The following LRP1B variants were observed in gnomAD, a reference collection of about 807,000 sequenced individuals.
LRP1B encodes low-density lipoprotein receptor-related protein 1B.
A neutral mutation model predicts 556.6 loss-of-function variants in LRP1B; 217 were observed. The observed-to-expected ratio is 0.39, with a 90% CI of 0.35 to 0.44. LRP1B has a LOEUF of 0.44. Among genes scored for constraint, LRP1B ranks in the 20% least tolerant of loss-of-function variants. The pLI is 1.00. For synonymous variants in LRP1B, 2,047 were observed against 1,865.8 expected, an observed-to-expected ratio of 1.10 and a Z score of -2.50; for missense variants, 5,053 against 5,620.8, an observed-to-expected ratio of 0.90 and a Z score of 3.23.
chr2:141,138,904 A>T (rs1185646357), intron 7 of LRP1B, among the ~76,000 whole-genome samples: 1 of 151,986 alleles, frequency 6.6e-6, no homozygotes, highest in African/African-American at 2.4e-5. Flanking sequence ...TAGAATAGCC[A>T]ATAACAGCTT....
At chr2:141,426,068 G>T (rs1237092556) in intron 3 of LRP1B, among the ~76,000 whole-genome samples, 7 of 152,030 alleles carry the variant, frequency 4.6e-5, no homozygotes, top group African/African-American at 9.6e-5. Context: ...AACGTTTAAG[G>T]CTTTAATCCA....
intron 68 of LRP1B, among the ~76,000 whole-genome samples, chr2:140,373,550 C>T (rs1683087769): frequency 6.6e-6 from 1 of 151,958 alleles, no homozygotes; most frequent in Non-Finnish European, 1.5e-5. Flanking sequence ...TATCATTATT[C>T]AGTAGATAGT....
At chr2:141,549,314 G>A (rs62169790) in intron 2 of LRP1B, among the ~76,000 whole-genome samples, 11,643 of 152,142 alleles carry the variant, frequency 0.077, 535 homozygotes, top group South Asian at 0.11. Context: ...TAGGATAGAA[G>A]CTGGCACAAA....
chr2:142,011,232 C>T (rs752654715), intron 1 of LRP1B, among the ~76,000 whole-genome samples: 8 of 152,114 alleles, frequency 5.3e-5, no homozygotes, highest in Non-Finnish European at 1.2e-4. Flanking sequence ...TGCTTAAAAT[C>T]GTATTCTGTG....
chr2:140,445,882 T>C (rs1185307483), intron 63 of LRP1B, among the ~76,000 whole-genome samples: 6 of 152,192 alleles, frequency 3.9e-5, no homozygotes, highest in African/African-American at 1.4e-4. Context: ...TGCATATTAC[T>C]GATTTTGAGG....
At chr2:140,886,360 G>A (rs2105192974) in intron 23 of LRP1B, 25 bp from the exon 24 acceptor site, 1 of 1,329,254 alleles carries the variant, frequency 7.5e-7, no homozygotes, top group Non-Finnish European at 1.0e-6. Flanking sequence ...ATTTTTAATA[G>A]GCTTATGAAA....
intron 20 of LRP1B, among the ~76,000 whole-genome samples, chr2:140,938,404 A>G (rs1166788675): frequency 6.6e-6 from 1 of 152,082 alleles, no homozygotes; most frequent in Non-Finnish European, 1.5e-5. Flanking sequence ...ATTTAATATA[A>G]GGGCCTAGAT....
intron 72 of LRP1B, 145 bp downstream of exon 72, chr2:140,364,516 A>G (rs974858863): frequency 1.2e-4 from 111 of 933,162 alleles, no homozygotes; most frequent in Non-Finnish European, 1.3e-4. Flanking sequence ...TATTACCTGA[A>G]CAAAAGCTGT....
chr2:141,980,981 T>C (rs1211803332), intron 1 of LRP1B, among the ~76,000 whole-genome samples: 1 of 152,088 alleles, frequency 6.6e-6, no homozygotes, highest in Non-Finnish European at 1.5e-5. Flanking sequence ...TGCAGGCAAA[T>C]ATTCGGTGAT....
chr2:140,796,559 G>A (rs1185167117), intron 32 of LRP1B, among the ~76,000 whole-genome samples: 1 of 151,992 alleles, frequency 6.6e-6, no homozygotes, highest in African/African-American at 2.4e-5. Context: ...ACTTAGTGCT[G>A]GGCAAATTGC....
At chr2:142,120,462 T>C (rs546111865) in intron 1 of LRP1B, among the ~76,000 whole-genome samples, 15 of 152,224 alleles carry the variant, frequency 9.9e-5, no homozygotes, top group South Asian at 2.1e-4. Flanking sequence ...ATACAGCCAA[T>C]AATAGCTTTG....
At chr2:140,995,706 A>T (rs993084700) in intron 15 of LRP1B, among the ~76,000 whole-genome samples, 1 of 151,910 alleles carries the variant, frequency 6.6e-6, no homozygotes, top group Non-Finnish European at 1.5e-5. Flanking sequence ...TAGGAGAAAA[A>T]CTCAGGCCTA....
chr2:142,039,957 T>G (rs1352033704), intron 1 of LRP1B, among the ~76,000 whole-genome samples: 8 of 151,412 alleles, frequency 5.3e-5, no homozygotes, highest in Admixed American at 3.3e-4. Flanking sequence ...CAATAAGTCA[T>G]AAACCCCAAC....
intron 3 of LRP1B, among the ~76,000 whole-genome samples, chr2:141,312,667 T>G (rs1160014233): frequency 6.6e-6 from 1 of 151,892 alleles, no homozygotes; most frequent in East Asian, 1.9e-4. Context: ...TTTATTTATG[T>G]GTAGAATTTT....
intron 32 of LRP1B, among the ~76,000 whole-genome samples, chr2:140,805,487 G>A (rs1165374261): frequency 6.6e-6 from 1 of 152,094 alleles, no homozygotes; most frequent in Admixed American, 6.6e-5. Flanking sequence ...GACAAATTAA[G>A]CAGTTTTATG....
chr2:140,535,775 C>A (rs1690930185), intron 46 of LRP1B, among the ~76,000 whole-genome samples: 1 of 152,080 alleles, frequency 6.6e-6, no homozygotes, highest in Non-Finnish European at 1.5e-5. Flanking sequence ...GAAGGGAAAT[C>A]TCAGTTGCTT....
intron 3 of LRP1B, among the ~76,000 whole-genome samples, chr2:141,343,284 C>T (rs1688135330): frequency 6.6e-6 from 1 of 152,152 alleles, no homozygotes; most frequent in East Asian, 1.9e-4. Context: ...ACTTAACATA[C>T]CCAGTCTTTC....
intron 3 of LRP1B, among the ~76,000 whole-genome samples, chr2:141,466,615 TA>T (rs1682212133): frequency 6.6e-6 from 1 of 152,074 alleles, no homozygotes; most frequent in Non-Finnish European, 1.5e-5. Flanking sequence ...AGTTGCTTGG[TA>T]GGGATAATTT....
chr2:141,899,326 C>T (rs900957765), intron 1 of LRP1B, among the ~76,000 whole-genome samples: 1 of 152,050 alleles, frequency 6.6e-6, no homozygotes, highest in Non-Finnish European at 1.5e-5. Flanking sequence ...TTCAAAAGTG[C>T]CCTGTCATGT....
Sources: gnomAD v4.1 joint callset for allele counts (sites outside exome capture counted in the v4.1 genomes callset) on GRCh38, gnomAD v4.1.1 for gene constraint, MANE v1.5 for transcripts, NCBI Gene and HGNC (gene_info 2026-07-23, HGNC 2026-07-21) for gene names.